The following XXYLT1 variants were observed in gnomAD, a reference collection of about 807,000 sequenced individuals.
XXYLT1 encodes the protein UDP-xylose:alpha-xyloside alpha-1,3-xylosyltransferase.
A neutral mutation model predicts 28.9 loss-of-function variants in XXYLT1; 20 were observed. That is an observed-to-expected ratio of 0.69 (90% CI 0.49 to 1.00). The LOEUF (loss-of-function observed/expected upper bound fraction) is 1.00. Ranked by LOEUF, XXYLT1 falls within the 50% of genes least tolerant of loss-of-function variation. The probability of loss-of-function intolerance (pLI) is 0.00; values close to 1 mark genes in which losing one functional copy is unlikely to be tolerated. For synonymous variants in XXYLT1, 257 were observed against 253.8 expected (o/e 1.01, Z -0.12); for missense variants, 542 against 560.1 (o/e 0.97, Z 0.33).
intron 3 of XXYLT1, among the ~76,000 whole-genome samples, chr3:195,148,697 T>C (rs1560120287): frequency 6.6e-6 from 1 of 152,096 alleles, no homozygotes; most frequent in African/African-American, 2.4e-5. Flanking sequence ...TGCAGAGAGA[T>C]GGAAAGTGTG....
At chr3:195,229,974 A>G (rs1272970684) in intron 1 of XXYLT1, among the ~76,000 whole-genome samples, 13 of 152,220 alleles carry the variant, frequency 8.5e-5, no homozygotes, top group Admixed American at 8.5e-4. Context: ...TCTGTTCTCC[A>G]TAGTGATTGT....
intron 3 of XXYLT1, among the ~76,000 whole-genome samples, chr3:195,110,173 A>AGGTGCGTGTGTGGT (rs1717456982): frequency 8.8e-5 from 1 of 11,384 alleles, no homozygotes; most frequent in East Asian, 1.5e-3. Context: ...GTGGTGTCTG[A>AGGTGCGTGTGTGGT]GTATGTGTGT....
Position 195,173,670 on chromosome 3 carries a change from G to A in XXYLT1, c.653-17089C>T, listed in dbSNP as rs113928224. 5.3e-5 allele frequency among the ~76,000 whole-genome samples: 8 copies of A among 152,258 alleles called. No individual in the cohort carries two copies. The South Asian group carries it at 6.2e-4, about 12-fold the overall frequency. On this transcript the variant is annotated intron_variant, in intron 2 of 3. Transcript: ENST00000310380. The surrounding 1 kb of genome is among the most constrained non-coding windows in gnomAD (Gnocchi z 4.3). Reference sequence around the variant, plus strand: ...CCCCACCACAGTAGTCCACTGACTCGGGGTAAAGTACGGGCTCAGGGGAAT... The same window carrying A: ...CCCCACCACAGTAGTCCACTGACTCAGGGTAAAGTACGGGCTCAGGGGAAT...
intron 3 of XXYLT1, among the ~76,000 whole-genome samples, chr3:195,156,050 A>G (rs1187063936): frequency 6.6e-6 from 1 of 152,090 alleles, no homozygotes; most frequent in East Asian, 1.9e-4. Flanking sequence ...AAGACCACCA[A>G]TCCACCCACT....
intron 3 of XXYLT1, among the ~76,000 whole-genome samples, chr3:195,102,291 G>C (rs946840503): frequency 4.0e-5 from 6 of 151,884 alleles, no homozygotes; most frequent in African/African-American, 1.5e-4. Flanking sequence ...TGTGTGGCAA[G>C]AGCACCTAAA....
chr3:195,112,736 T>A (rs1169205515), intron 3 of XXYLT1, among the ~76,000 whole-genome samples: 1 of 130,464 alleles, frequency 7.7e-6, no homozygotes, highest in African/African-American at 3.0e-5. Flanking sequence ...CCCCGGGTGG[T>A]AGGAACAGCT....
chr3:195,137,974 C>T (rs1404831355), intron 3 of XXYLT1, among the ~76,000 whole-genome samples: 4 of 152,168 alleles, frequency 2.6e-5, no homozygotes, highest in Admixed American at 1.3e-4. Context: ...GGGAGGTTCT[C>T]GTTTTATAGC....
intron 3 of XXYLT1, among the ~76,000 whole-genome samples, chr3:195,138,581 G>A (rs981977382): frequency 1.3e-5 from 2 of 152,228 alleles, no homozygotes; most frequent in East Asian, 1.9e-4. Flanking sequence ...CTGGAGGCCA[G>A]GTGCAGTGGC....
At chr3:195,140,944 C>G (rs189878126) in intron 3 of XXYLT1, among the ~76,000 whole-genome samples, 315 of 152,192 alleles carry the variant, frequency 2.1e-3, no homozygotes, top group Middle Eastern at 6.8e-3. Context: ...GGGTGGGGCT[C>G]TCATTATGGG....
rs531230910 is a variant in XXYLT1 at position 195,069,767 on chromosome 3, C to T, written c.1130G>A (p.Gly377Asp). The T allele has an allele frequency of 8.7e-6, 14 of 1,614,060 alleles. No individual in the cohort carries two copies. The highest frequency in any genetic ancestry group is 1.7e-5 in the Admixed American group (1 of 60,022). Residue 377 changes from glycine (G) to aspartate (D), a missense_variant, in exon 4 of 4, where the codon GGC becomes GAC. Transcript: ENST00000310380. ...DVFEAYFRCE[G>D]HVKIYHGNCN... ...GTTCCCGTGGTAGATCTTGACGTGG[C>T]CCTCACACCTGAAATAGGCCTCGAA... is the stretch of plus-strand genomic sequence containing the variant.
At chr3:195,252,961 C>T (rs1577200527) in intron 1 of XXYLT1, among the ~76,000 whole-genome samples, 1 of 152,160 alleles carries the variant, frequency 6.6e-6, no homozygotes, top group East Asian at 1.9e-4. Flanking sequence ...CAAAATTCCC[C>T]TGCTCTATCC....
chr3:195,181,328 C>A (rs1352982853), intron 2 of XXYLT1, among the ~76,000 whole-genome samples: 1 of 152,018 alleles, frequency 6.6e-6, no homozygotes, highest in East Asian at 1.9e-4. Flanking sequence ...TGCCACCAGG[C>A]GTGCCTTTAT....
At chr3:195,114,947 T>G (rs556128334) in intron 3 of XXYLT1, among the ~76,000 whole-genome samples, 2 of 152,278 alleles carry the variant, frequency 1.3e-5, no homozygotes, top group East Asian at 3.9e-4. Flanking sequence ...CTGGGCGCAG[T>G]CACTCCTGGG....
intron 2 of XXYLT1, among the ~76,000 whole-genome samples, chr3:195,179,424 T>C (rs1577114549): frequency 3.3e-5 from 5 of 150,996 alleles, no homozygotes; most frequent in Admixed American, 3.3e-4. Context: ...TCTGACCCAA[T>C]TCAACAACTC....
rs1383824137 is a variant in XXYLT1 at position 195,110,584 on chromosome 3, GTA to G, written c.786-40475_786-40474del. Among the ~76,000 whole-genome samples the G allele has an allele frequency of 2.6e-4, 15 of 56,920 alleles. 4 individuals are homozygous for G. The highest frequency in any genetic ancestry group is 8.3e-4 in the African/African-American group (12 of 14,438). 37.3% of individuals were successfully genotyped at this position (56,920 alleles called of 152,430 possible). A position where few individuals can be genotyped will look rare whatever the true frequency, so the allele number is the denominator to read the frequency against. On this transcript the variant is annotated intron_variant, in intron 3 of 3. Transcript: ENST00000310380. ...GTATGTATGTGGTGTGTTGTGTGGT[GTA>G]TGTGTGTGTGTGCTGTATGTGTGCA... is the stretch of plus-strand genomic sequence containing the variant.
At chr3:195,157,949 A>C (rs1256885748) in intron 2 of XXYLT1, among the ~76,000 whole-genome samples, 1 of 152,194 alleles carries the variant, frequency 6.6e-6, no homozygotes, top group African/African-American at 2.4e-5. Flanking sequence ...TGTGGGAAAT[A>C]GCTTATGGAC....
intron 3 of XXYLT1, among the ~76,000 whole-genome samples, chr3:195,094,413 T>C (rs1009946220): frequency 2.0e-5 from 3 of 152,166 alleles, no homozygotes; most frequent in East Asian, 1.9e-4. Context: ...CCCACACGCA[T>C]GCAGGCCCAG....
chr3:195,088,925 A>G, intron 3 of XXYLT1, among the ~76,000 whole-genome samples: 1 of 151,946 alleles, frequency 6.6e-6, no homozygotes. Context: ...AAAGGGTATC[A>G]GCAATGGAAG....
chr3:195,111,322 C>T (rs1048848905), intron 3 of XXYLT1, among the ~76,000 whole-genome samples: 6 of 152,154 alleles, frequency 3.9e-5, no homozygotes, highest in African/African-American at 1.2e-4. Context: ...ACATCTGCAA[C>T]GACCCTATTC....
Sources: allele counts gnomAD v4.1 joint callset (sites outside exome capture counted in the v4.1 genomes callset), GRCh38; gene constraint gnomAD v4.1.1; non-coding constraint Gnocchi (gnomAD v3.1); transcripts MANE v1.5; gene names NCBI Gene and HGNC (gene_info 2026-07-23, HGNC 2026-07-21).